ADAMTS3: variants seen among roughly 807,000 people sequenced by gnomAD.
ADAMTS3 encodes the protein ADAM metallopeptidase with thrombospondin type 1 motif 3.
A neutral mutation model predicts 129.0 loss-of-function variants in ADAMTS3; 73 were observed. The observed-to-expected ratio is 0.57, with a 90% CI of 0.47 to 0.69. The LOEUF is 0.69. Among genes scored for constraint, ADAMTS3 ranks in the 30% least tolerant of loss-of-function variants. The probability of loss-of-function intolerance (pLI) is 0.00; values close to 1 mark genes in which losing one functional copy is unlikely to be tolerated. For synonymous variants in ADAMTS3, 477 were observed against 510.8 expected, an observed-to-expected ratio of 0.93 and a Z score of 0.89; for missense variants, 1,457 against 1,514.5, an observed-to-expected ratio of 0.96 and a Z score of 0.63.
At chr4:72,463,698 C>CAAAAAA (rs3034505) in intron 3 of ADAMTS3, among the ~76,000 whole-genome samples, 1 of 123,358 alleles carries the variant, frequency 8.1e-6, no homozygotes, top group African/African-American at 3.0e-5. Context: ...CTAAAACAGG[C>CAAAAAA]AAAAAAAAAA....
At chr4:72,288,968 A>G (rs1407811925) in intron 20 of ADAMTS3, 100 bp from the exon 21 acceptor site, 6 of 738,904 alleles carry the variant, frequency 8.1e-6, no homozygotes, top group Admixed American at 2.1e-5. Flanking sequence ...ACACACACAC[A>G]AAGACACAGA....
intron 3 of ADAMTS3, among the ~76,000 whole-genome samples, chr4:72,466,885 T>C (rs981637166): frequency 3.3e-5 from 5 of 152,080 alleles, no homozygotes; most frequent in Non-Finnish European, 5.9e-5. Flanking sequence ...GTTCCAGCTA[T>C]GCGGTCTTAG....
chr4:72,518,159 C>A (rs1720547857), intron 3 of ADAMTS3, among the ~76,000 whole-genome samples: 1 of 152,122 alleles, frequency 6.6e-6, no homozygotes, highest in South Asian at 2.1e-4. Flanking sequence ...GAGTGAGTTT[C>A]TTAATCCTGA....
chr4:72,372,428 A>G (rs1721033493), intron 4 of ADAMTS3, among the ~76,000 whole-genome samples: 1 of 152,092 alleles, frequency 6.6e-6, no homozygotes, highest in Non-Finnish European at 1.5e-5. Flanking sequence ...GAAGTACATC[A>G]TAAATAATGC....
In ADAMTS3 at chr4:72,283,140, C is replaced by T. The variant is rs758277655; in HGVS notation, c.3614G>A (p.Arg1205Lys). ...TAGCCTTTTTGGTTCACTTTCTCAT[C>T]TTTCTAAGGTGGATGATCTTGTCGG... ...RRPTRSSTLE[R>K] The change falls in exon 22 of 22, where the codon AGA becomes AAA. Residue 1205 changes from arginine to lysine, a missense_variant. Transcript: ENST00000286657. 1.3e-6 allele frequency: 2 copies of T among 1,592,890 alleles called. No individual in the cohort carries two copies. Among genetic ancestry groups the T allele is most frequent in the Admixed American group, 3.5e-5 (2 of 56,876 alleles).
intron 4 of ADAMTS3, among the ~76,000 whole-genome samples, chr4:72,380,677 T>C (rs1418179943): frequency 6.6e-6 from 1 of 152,130 alleles, no homozygotes; most frequent in Non-Finnish European, 1.5e-5. Flanking sequence ...AATATCGAAT[T>C]TCTCACACAA....
chr4:72,335,362 C>T (rs941892537), intron 5 of ADAMTS3, among the ~76,000 whole-genome samples: 1 of 152,040 alleles, frequency 6.6e-6, no homozygotes, highest in Admixed American at 6.6e-5. Context: ...TTAGGAAATA[C>T]GGCCCTGAAA....
rs1578803256 is a variant in ADAMTS3, at chr4:72,568,622, T to C, written c.69+72A>G. 4 of 1,137,018 alleles carry C rather than the reference T, an allele frequency of 3.5e-6. No homozygotes were observed. The East Asian group carries it at 9.9e-5, about 28-fold the overall frequency. The allele number at this position is 1,137,018 out of a possible 1,614,324, so 70.4% of individuals were successfully genotyped here. A position where few individuals can be genotyped will look rare whatever the true frequency, so the allele number is the denominator to read the frequency against. On this transcript the variant is annotated intron_variant, in intron 1 of 21. Coordinates refer to ENST00000286657, the MANE Select transcript of ADAMTS3 (RefSeq NM_014243.3). The stretch of plus-strand genomic sequence containing the variant: ...AGGAGAAGGAGGAAAGAGAGGAGGG[T>C]AGAGAGGGGAGGAACTTTTCGGGAA...
chr4:72,320,744 T>C lies in ADAMTS3; in HGVS notation c.1072A>G (p.Arg358Gly). The C allele has an allele frequency of 6.2e-7, 1 of 1,613,896 alleles. No homozygotes were observed. The highest frequency in any genetic ancestry group is 8.5e-7 in the Non-Finnish European group (1 of 1,179,838). The change falls in exon 7 of 22, where the codon AGG (arginine) becomes GGG (glycine). Residue 358 changes from arginine to glycine, a missense_variant. Arg to Gly is a moderately radical substitution (Grantham distance 125). Transcript: ENST00000286657. ...ATTCCAGCAGGTCCAAAGTCTTGCC[T>C]GGTTAAAAAAATTGCATGGTCATGG... ...EHHDHAIFLT[R>G]QDFGPAGMQG...
intron 3 of ADAMTS3, among the ~76,000 whole-genome samples, chr4:72,431,626 G>T (rs1172374641): frequency 6.6e-6 from 1 of 151,882 alleles, no homozygotes; most frequent in East Asian, 1.9e-4. Context: ...TTAGTCTTGG[G>T]TCTCACCCCC....
In ADAMTS3 at chr4:72,282,923, T is replaced by C; in HGVS notation, c.*213A>G. 2.3e-6 allele frequency: 1 copy of C among 433,490 alleles called. No individual in the cohort carries two copies. The highest frequency in any genetic ancestry group is 4.1e-6 in the Non-Finnish European group (1 of 245,056). 26.9% of individuals were successfully genotyped at this position (433,490 alleles called of 1,614,324 possible). On this transcript the variant is annotated 3_prime_UTR_variant, in exon 22 of 22. Coordinates refer to ENST00000286657, the MANE Select transcript of ADAMTS3 (RefSeq NM_014243.3). Reference sequence around the variant, plus strand: ...TTTCTTTTGTAATAATCTTTGGTGATTTCTTCCAATGAATTCTGGTAAATG... The same window carrying C: ...TTTCTTTTGTAATAATCTTTGGTGACTTCTTCCAATGAATTCTGGTAAATG...
chr4:72,442,991 C>T (rs988513103), intron 3 of ADAMTS3, among the ~76,000 whole-genome samples: 1 of 151,680 alleles, frequency 6.6e-6, no homozygotes, highest in African/African-American at 2.4e-5. Flanking sequence ...AGTAATACTA[C>T]AACGATAAAA....
intron 4 of ADAMTS3, among the ~76,000 whole-genome samples, chr4:72,397,172 A>T (rs1366285779): frequency 2.0e-5 from 3 of 152,196 alleles, no homozygotes; most frequent in African/African-American, 7.2e-5. Context: ...TCTAAAATAC[A>T]TATTATAGTA....
chr4:72,470,773 T>A (rs889235646), intron 3 of ADAMTS3, among the ~76,000 whole-genome samples: 1 of 152,074 alleles, frequency 6.6e-6, no homozygotes, highest in Admixed American at 6.6e-5. Context: ...CTAGGAGTCA[T>A]CATATTCTTC....
chr4:72,543,519 G>T (rs1199474939), intron 3 of ADAMTS3, among the ~76,000 whole-genome samples: 1 of 152,050 alleles, frequency 6.6e-6, no homozygotes, highest in Non-Finnish European at 1.5e-5. Context: ...CATACAATGG[G>T]ATATTATACA....
intron 3 of ADAMTS3, among the ~76,000 whole-genome samples, chr4:72,516,709 T>C (rs1292571553): frequency 6.6e-6 from 1 of 152,148 alleles, no homozygotes; most frequent in Non-Finnish European, 1.5e-5. Context: ...TTTGCTGAAG[T>C]TGCTTATCAG....
intron 3 of ADAMTS3, among the ~76,000 whole-genome samples, chr4:72,450,371 C>G (rs745638376): frequency 6.6e-5 from 10 of 151,696 alleles, no homozygotes; most frequent in Non-Finnish European, 1.5e-4. Flanking sequence ...ATGCAAGGCA[C>G]CCCTCTGCTA....
chr4:72,488,663 A>T (rs1034563554), intron 3 of ADAMTS3, among the ~76,000 whole-genome samples: 2 of 151,934 alleles, frequency 1.3e-5, no homozygotes, highest in Non-Finnish European at 2.9e-5. Context: ...ATAATTGACA[A>T]ATATTACATA....
intron 3 of ADAMTS3, among the ~76,000 whole-genome samples, chr4:72,468,551 C>T (rs1482504304): frequency 6.6e-6 from 1 of 151,950 alleles, no homozygotes; most frequent in Non-Finnish European, 1.5e-5. Flanking sequence ...CTCCCCATAC[C>T]TAGTCATATT....
Sources: gnomAD v4.1 joint callset for allele counts (sites outside exome capture counted in the v4.1 genomes callset) on GRCh38, gnomAD v4.1.1 for gene constraint, MANE v1.5 for transcripts, NCBI Gene and HGNC (gene_info 2026-07-23, HGNC 2026-07-21) for gene names.